Variants in PCED1B observed in about 807,000 individuals in gnomAD.
The protein encoded by PCED1B is PC-esterase domain containing 1B.
For synonymous variants in PCED1B, 251 were observed against 246.1 expected (o/e 1.02, Z -0.19); for missense variants, 573 against 573.9 (o/e 1.00, Z 0.02).
chr12:47,222,378 C>T lies in PCED1B; in HGVS notation c.-58+5689C>T, dbSNP rs12307384. On this transcript the variant is annotated intron_variant, in intron 3 of 3. Coordinates refer to ENST00000546455, the MANE Select transcript of PCED1B (RefSeq NM_138371.3). ...CAGATGTTGCGGTGAGCTGAGATCA[C>T]GCCATTGCACTCCAGCCTGGGCAAC... is the stretch of plus-strand genomic sequence containing the variant. Among the ~76,000 whole-genome samples, 57 of 144,520 alleles carry T rather than the reference C, an allele frequency of 3.9e-4. 1 individual carries two copies. The East Asian group carries it at 0.01, about 27-fold the overall frequency. 94.8% of individuals were successfully genotyped at this position (144,520 alleles called of 152,430 possible). A position where few individuals can be genotyped will look rare whatever the true frequency, so the allele number is the denominator to read the frequency against.
intron 2 of PCED1B, among the ~76,000 whole-genome samples, chr12:47,150,010 CAA>C (rs1251407072): frequency 6.6e-6 from 1 of 152,126 alleles, no homozygotes; most frequent in Non-Finnish European, 1.5e-5. Flanking sequence ...ATTAAGTCAA[CAA>C]ATGTTTGGTA....
At chr12:47,230,686 C>A (rs1233764335) in intron 3 of PCED1B, among the ~76,000 whole-genome samples, 1 of 152,160 alleles carries the variant, frequency 6.6e-6, no homozygotes, top group Non-Finnish European at 1.5e-5. Flanking sequence ...AAGTGATCCA[C>A]CTGCCTCGGC....
intron 2 of PCED1B, among the ~76,000 whole-genome samples, chr12:47,115,985 C>G (rs1324428695): frequency 6.6e-6 from 1 of 152,190 alleles, no homozygotes; most frequent in East Asian, 1.9e-4. Context: ...GAAATCTATG[C>G]TAGTTAGAAT....
At position 47,115,649 on chromosome 12, in the gene PCED1B, T is replaced by G. The variant is rs146328510; in HGVS notation, c.-526+11454T>G. On this transcript the variant is annotated intron_variant, in intron 2 of 3. Coordinates refer to ENST00000546455, the MANE Select transcript of PCED1B (RefSeq NM_138371.3). ...TTGTTACTTTGCTGTTTTAAAAAGG[T>G]GATATGTAGTCTCCTTATCTTAGAG... Among the ~76,000 whole-genome samples the G allele has an allele frequency of 2.8e-3, 422 of 152,302 alleles. 1 individual carries two copies. Among genetic ancestry groups the G allele is most frequent in the African/African-American group, 9.7e-3 (404 of 41,568 alleles).
At chr12:47,205,820 C>A (rs1254636106) in intron 2 of PCED1B, 1 of 152,122 alleles carries the variant, frequency 6.6e-6, no homozygotes, top group Admixed American at 6.6e-5. Flanking sequence ...GTTCACCTTG[C>A]CCACTGCGTA....
intron 3 of PCED1B, among the ~76,000 whole-genome samples, chr12:47,222,131 A>C (rs1029677565): frequency 6.8e-6 from 1 of 147,074 alleles, no homozygotes; most frequent in African/African-American, 2.5e-5. Flanking sequence ...AAAAAAAAAA[A>C]AAAAACGCCC....
Position 47,236,024 on chromosome 12 carries a change from C to T in PCED1B, c.961C>T (p.Pro321Ser). ...PLLPLLSPQP[P>S]PPILHHQGMP... is the part of the protein sequence containing the mutation. The stretch of plus-strand genomic sequence containing the variant: ...GCTCCCGCTCCTGTCCCCACAGCCT[C>T]CTCCTCCCATTCTCCATCACCAGGG... Residue 321 changes from proline to serine, a missense_variant, in exon 4 of 4, where the codon CCT becomes TCT. Coordinates refer to ENST00000546455, the MANE Select transcript of PCED1B (RefSeq NM_138371.3). 1.9e-6 allele frequency: 3 copies of T among 1,613,932 alleles called. No homozygotes were observed. The highest frequency in any genetic ancestry group is 1.1e-5 in the South Asian group (1 of 91,076).
At chr12:47,126,996 G>A (rs1417515796) in intron 2 of PCED1B, among the ~76,000 whole-genome samples, 1 of 152,004 alleles carries the variant, frequency 6.6e-6, no homozygotes, top group Admixed American at 6.6e-5. Context: ...TCAGTTTTCT[G>A]TTTCACGCAT....
At chr12:47,168,747 CT>C (rs1300659922) in intron 2 of PCED1B, among the ~76,000 whole-genome samples, 2 of 151,906 alleles carry the variant, frequency 1.3e-5, no homozygotes, top group African/African-American at 4.8e-5. Flanking sequence ...TTTTTATTTT[CT>C]TTTTGACCCA....
At chr12:47,117,743 T>G (rs947388953) in intron 2 of PCED1B, among the ~76,000 whole-genome samples, 2 of 152,212 alleles carry the variant, frequency 1.3e-5, no homozygotes, top group African/African-American at 4.8e-5. Flanking sequence ...AAATGGCATT[T>G]CTAGTTCTAG....
chr12:47,135,121 C>T (rs1274896723), intron 2 of PCED1B, among the ~76,000 whole-genome samples: 1 of 152,060 alleles, frequency 6.6e-6, no homozygotes, highest in African/African-American at 2.4e-5. Context: ...GTTGCCATTA[C>T]AAATAATGCT....
intron 1 of PCED1B, among the ~76,000 whole-genome samples, chr12:47,081,043 A>G (rs854890): frequency 0.88 from 133,290 of 152,274 alleles, 58,429 homozygotes; most frequent in Admixed American, 0.91. Context: ...TGAGGTGGAG[A>G]CTATGAGGCT....
chr12:47,217,717 C>G (rs973630602), intron 3 of PCED1B, among the ~76,000 whole-genome samples: 2 of 152,218 alleles, frequency 1.3e-5, no homozygotes, highest in Admixed American at 6.5e-5. Context: ...GCTGGGATTA[C>G]AGGCACGCGA....
intron 2 of PCED1B, among the ~76,000 whole-genome samples, chr12:47,192,858 G>A (rs554510108): frequency 2.6e-5 from 4 of 152,266 alleles, no homozygotes; most frequent in African/African-American, 7.2e-5. Flanking sequence ...ACTAAGGCTC[G>A]GAGAGATTAA....
intron 3 of PCED1B, among the ~76,000 whole-genome samples, chr12:47,220,602 T>G (rs1366317871): frequency 2.0e-5 from 3 of 152,178 alleles, no homozygotes; most frequent in Admixed American, 6.5e-5. Context: ...GCTCAGTGAG[T>G]GCCGATGATT....
intron 2 of PCED1B, among the ~76,000 whole-genome samples, chr12:47,165,592 A>G (rs1941519964): frequency 6.6e-6 from 1 of 152,182 alleles, no homozygotes; most frequent in African/African-American, 2.4e-5. Flanking sequence ...TATTTAATTT[A>G]CTTGTTCAAA....
intron 3 of PCED1B, among the ~76,000 whole-genome samples, chr12:47,226,497 C>CT (rs1943636764): frequency 1.3e-5 from 2 of 152,196 alleles, no homozygotes; most frequent in African/African-American, 4.8e-5. Flanking sequence ...CCTCAGCCTC[C>CT]TGAGTAGCTC....
intron 2 of PCED1B, among the ~76,000 whole-genome samples, chr12:47,193,908 C>T (rs1481607194): frequency 6.6e-6 from 1 of 152,252 alleles, no homozygotes; most frequent in Non-Finnish European, 1.5e-5. Context: ...ATTGCTCAGT[C>T]TTGCTGGGGC....
intron 2 of PCED1B, chr12:47,206,247 G>A (rs1398711847): frequency 6.6e-6 from 1 of 152,174 alleles, no homozygotes; most frequent in Non-Finnish European, 1.5e-5. Context: ...CTAATCTTGT[G>A]GCTCATGTTA....
Sources: gnomAD v4.1 joint callset for allele counts (sites outside exome capture counted in the v4.1 genomes callset) on GRCh38, gnomAD v4.1.1 for gene constraint, MANE v1.5 for transcripts, NCBI Gene and HGNC (gene_info 2026-07-23, HGNC 2026-07-21) for gene names.